Variants in ZFAT observed in about 807,000 individuals in gnomAD.
ZFAT encodes the protein zinc finger protein ZFAT.
ZFAT carries 64 observed loss-of-function variants against 117.7 expected under a neutral mutation model. The ratio of observed to expected loss-of-function variants is 0.54; its 90% CI spans 0.44 to 0.67. The LOEUF (loss-of-function observed/expected upper bound fraction) is 0.67. Among genes scored for constraint, ZFAT ranks in the 30% least tolerant of loss-of-function variants. The pLI, the probability that ZFAT is intolerant of heterozygous loss-of-function variation, is 0.00. For missense variants in ZFAT, 1,433 were observed against 1,584.5 expected (o/e 0.90, Z 1.62); for synonymous variants, 679 against 615.0 (o/e 1.10, Z -1.54).
At chr8:134,572,803 GAA>G (rs11347412) in intron 10 of ZFAT, among the ~76,000 whole-genome samples, 7 of 145,798 alleles carry the variant, frequency 4.8e-5, no homozygotes, top group African/African-American at 1.7e-4. Context: ...CCACGGTGGG[GAA>G]AAAAAAAAAA....
At chr8:134,795,662 G>A in the ZFAT span, 1 of 152,202 alleles carries the variant, frequency 6.6e-6, no homozygotes, top group Non-Finnish European at 1.5e-5. Flanking sequence ...ACAGATAATA[G>A]ATTGGGACAG....
chr8:134,755,278 C>T, the ZFAT span, among the ~76,000 whole-genome samples: 4 of 148,656 alleles, frequency 2.7e-5, no homozygotes, highest in Admixed American at 1.3e-4. Flanking sequence ...CCGGGCGTGG[C>T]GGCATGTGCC....
chr8:134,780,177 T>C, the ZFAT span, among the ~76,000 whole-genome samples: 2 of 152,238 alleles, frequency 1.3e-5, no homozygotes, highest in East Asian at 1.9e-4. Context: ...AATCTTCCAT[T>C]ATTTTCAGGT....
the ZFAT span, among the ~76,000 whole-genome samples, chr8:134,732,595 G>C: frequency 6.6e-6 from 1 of 152,176 alleles, no homozygotes; most frequent in Non-Finnish European, 1.5e-5. Flanking sequence ...CAGAAAATGG[G>C]GTAGGGTGAA....
chr8:134,773,997 T>TGG, the ZFAT span, among the ~76,000 whole-genome samples: 3 of 139,928 alleles, frequency 2.1e-5, 1 homozygote, highest in African/African-American at 8.2e-5. Flanking sequence ...TTTTTTTTTT[T>TGG]TTTTTTTTTT....
At chr8:134,538,624 C>T (rs1822016892) in intron 11 of ZFAT, among the ~76,000 whole-genome samples, 1 of 151,906 alleles carries the variant, frequency 6.6e-6, no homozygotes, top group Non-Finnish European at 1.5e-5. Flanking sequence ...TGGCGAAACC[C>T]CTTCTCTACT....
At chr8:134,697,851 G>A (rs1402626895) in intron 1 of ZFAT, among the ~76,000 whole-genome samples, 1 of 150,368 alleles carries the variant, frequency 6.7e-6, no homozygotes, top group East Asian at 2.1e-4. Context: ...AAAGCGCTGG[G>A]ATTACAGGCG....
chr8:134,629,304 T>C (rs1563697115), intron 3 of ZFAT, among the ~76,000 whole-genome samples: 2 of 152,036 alleles, frequency 1.3e-5, no homozygotes, highest in African/African-American at 4.8e-5. Flanking sequence ...AGGAAGATAT[T>C]TGCAAGACAT....
At chr8:134,606,304 T>C (rs1031292412) in intron 5 of ZFAT, among the ~76,000 whole-genome samples, 5 of 152,234 alleles carry the variant, frequency 3.3e-5, no homozygotes, top group South Asian at 2.1e-4. Context: ...TTGGCTCCAA[T>C]GTCAAGAGTT....
At chr8:134,601,453 C>A (rs749717078) in intron 6 of ZFAT, 24 bp downstream of exon 6, 2 of 1,578,712 alleles carry the variant, frequency 1.3e-6, no homozygotes, top group African/African-American at 1.3e-5. Flanking sequence ...GACAGGGCCA[C>A]GCACCGGCGC....
intron 10 of ZFAT, among the ~76,000 whole-genome samples, chr8:134,567,469 A>G (rs1309979584): frequency 6.6e-6 from 1 of 151,556 alleles, no homozygotes; most frequent in Non-Finnish European, 1.5e-5. Flanking sequence ...CCATCCATCC[A>G]TCCATCCATC....
chr8:134,818,482 G>A, the ZFAT span, among the ~76,000 whole-genome samples: 1 of 152,194 alleles, frequency 6.6e-6, no homozygotes, highest in Non-Finnish European at 1.5e-5. Context: ...GCATAATGCT[G>A]GTGGGAATGT....
At chr8:134,487,556 C>G (rs1368704598) in intron 15 of ZFAT, among the ~76,000 whole-genome samples, 2 of 152,224 alleles carry the variant, frequency 1.3e-5, no homozygotes, top group Admixed American at 1.3e-4. Flanking sequence ...CTTCCTGTAA[C>G]CTTCAAAAGA....
At chr8:134,676,733 C>T (rs1309395477) in intron 1 of ZFAT, among the ~76,000 whole-genome samples, 3 of 152,154 alleles carry the variant, frequency 2.0e-5, no homozygotes, top group African/African-American at 7.2e-5. Flanking sequence ...GAACGGAAAT[C>T]ATAACAAACA....
chr8:134,822,615 G>C, the ZFAT span, among the ~76,000 whole-genome samples: 1 of 152,080 alleles, frequency 6.6e-6, no homozygotes, highest in Non-Finnish European at 1.5e-5. Flanking sequence ...GAGCATAAGT[G>C]TGAGAAAGTA....
the ZFAT span, among the ~76,000 whole-genome samples, chr8:134,770,705 C>T: frequency 2.0e-5 from 3 of 152,214 alleles, no homozygotes; most frequent in South Asian, 6.2e-4. Context: ...AGCCATATTT[C>T]TCTTCTTTCA....
intron 15 of ZFAT, among the ~76,000 whole-genome samples, chr8:134,479,155 G>A (rs970417162): frequency 3.3e-5 from 5 of 152,214 alleles, no homozygotes; most frequent in Non-Finnish European, 7.3e-5. Context: ...AAGGCACTAC[G>A]TCTATCCTGG....
chr8:134,745,806 T>G, the ZFAT span, among the ~76,000 whole-genome samples: 1 of 152,136 alleles, frequency 6.6e-6, no homozygotes, highest in South Asian at 2.1e-4. Flanking sequence ...ATGAGTATAT[T>G]ATTATTATTA....
In ZFAT at chr8:134,610,564, T is replaced by C; in HGVS notation, c.540A>G (p.Lys180=). Residue 180 remains lysine (K), a synonymous_variant, in exon 4 of 16, where the codon AAA becomes AAG. Transcript: ENST00000377838. ...SKRPRSQKTE[K]VQKISGKEAR... ...CCTCCTTTCCTGAGATCTTCTGGACTTTCTCTGTTTTCTGTGACCGTGGTC... is the reference window on the plus strand; with the variant it reads ...CCTCCTTTCCTGAGATCTTCTGGACCTTCTCTGTTTTCTGTGACCGTGGTC... 1 of 1,614,220 alleles carries C rather than the reference T, an allele frequency of 6.2e-7. No individual in the cohort carries two copies. The highest frequency in any genetic ancestry group is 8.5e-7 in the Non-Finnish European group (1 of 1,180,034).
Sources: allele counts gnomAD v4.1 joint callset (sites outside exome capture counted in the v4.1 genomes callset), GRCh38; gene constraint gnomAD v4.1.1; transcripts MANE v1.5; gene names NCBI Gene and HGNC (gene_info 2026-07-23, HGNC 2026-07-21).